RAC1: variants seen among roughly 807,000 people sequenced by gnomAD.
RAC1 encodes the protein Rac family small GTPase 1, also known as ras-related C3 botulinum toxin substrate 1.
In RAC1, 2 loss-of-function variants were observed where a neutral mutation model predicts 25.2. The observed-to-expected ratio is 0.08, with a 90% confidence interval of 0.03 to 0.25. The LOEUF (loss-of-function observed/expected upper bound fraction) is 0.25. Among genes scored for constraint, RAC1 ranks in the 10% least tolerant of loss-of-function variants. RAC1 has a pLI of 1.00. For missense variants in RAC1, 50 were observed against 235.7 expected (o/e 0.21, Z 5.16); for synonymous variants, 88 against 94.0 (o/e 0.94, Z 0.37).
intron 1 of RAC1, among the ~76,000 whole-genome samples, chr7:6,381,901 G>C (rs111870047): frequency 6.6e-6 from 1 of 152,250 alleles, no homozygotes; most frequent in African/African-American, 2.4e-5. Context: ...GTAAATCGAG[G>C]ACCTTCATGC....
intron 1 of RAC1, among the ~76,000 whole-genome samples, chr7:6,378,518 C>A (rs866276517): frequency 6.6e-6 from 1 of 151,866 alleles, no homozygotes; most frequent in Non-Finnish European, 1.5e-5. Flanking sequence ...TGCACTCCAG[C>A]CTGGGCGACA....
intron 1 of RAC1, among the ~76,000 whole-genome samples, chr7:6,380,369 T>G (rs986883958): frequency 8.3e-6 from 1 of 120,456 alleles, no homozygotes; most frequent in African/African-American, 4.3e-5. Context: ...GCCAAAAAAA[T>G]TATACATAAT....
intron 1 of RAC1, among the ~76,000 whole-genome samples, chr7:6,385,207 G>T (rs1457779020): frequency 6.6e-6 from 1 of 152,170 alleles, no homozygotes. Context: ...TTCATGTGAT[G>T]ATTGCATTCT....
At chr7:6,396,612 A>T (rs1181546104) in intron 3 of RAC1, among the ~76,000 whole-genome samples, 3 of 152,196 alleles carry the variant, frequency 2.0e-5, no homozygotes, top group African/African-American at 7.2e-5. Context: ...GTTCTCGATG[A>T]TCCTCTCCCA....
At chr7:6,385,581 G>A (rs550064662) in intron 1 of RAC1, among the ~76,000 whole-genome samples, 1 of 152,288 alleles carries the variant, frequency 6.6e-6, no homozygotes, top group African/African-American at 2.4e-5. Context: ...AAGCCTTTAG[G>A]AGTTGGAAGC....
intron 1 of RAC1, among the ~76,000 whole-genome samples, chr7:6,378,926 A>G (rs900950356): frequency 6.6e-5 from 10 of 152,084 alleles, no homozygotes; most frequent in African/African-American, 1.9e-4. Context: ...TGTCTCTACT[A>G]AAAATACAAA....
rs375135106 is a variant in RAC1, at chr7:6,388,297, C to T, written c.107+1014C>T. On this transcript the variant is annotated intron_variant, in intron 2 of 5. Transcript: ENST00000348035. ...CTCAGGCACAACACACACCCAGGTGCTCTCTGAAGTGTCGTACCCATGTTT... is the reference window on the plus strand; with the variant it reads ...CTCAGGCACAACACACACCCAGGTGTTCTCTGAAGTGTCGTACCCATGTTT... Among the ~76,000 whole-genome samples the T allele has an allele frequency of 2.0e-5, 3 of 151,246 alleles. No individual in the cohort carries two copies. The East Asian group carries it at 5.8e-4, about 29-fold the overall frequency.
chr7:6,389,248 C>T (rs1348295005), intron 2 of RAC1, among the ~76,000 whole-genome samples: 1 of 151,720 alleles, frequency 6.6e-6, no homozygotes, highest in African/African-American at 2.4e-5. Context: ...TAGATAACTA[C>T]CAAATTGCTG....
chr7:6,376,659 G>A (rs181500312), intron 1 of RAC1, among the ~76,000 whole-genome samples: 2,060 of 140,736 alleles, frequency 0.015, 26 homozygotes, highest in South Asian at 0.029. Flanking sequence ...AAGCCACCAT[G>A]CCCAGCTAAT....
chr7:6,392,065 ATG>A, intron 3 of RAC1, 24 bp downstream of exon 3: 1 of 1,614,024 alleles, frequency 6.2e-7, no homozygotes, highest in South Asian at 1.1e-5. Flanking sequence ...CTGACTTTTA[ATG>A]TGTCTTTTAG....
chr7:6,374,957 C>G (rs1351785904), intron 1 of RAC1, among the ~76,000 whole-genome samples, 187 bp downstream of exon 1: 1 of 151,640 alleles, frequency 6.6e-6, no homozygotes, highest in Non-Finnish European at 1.5e-5. Flanking sequence ...CCGGGCGGCG[C>G]GTGCCTGGTT....
intron 1 of RAC1, chr7:6,375,946 A>G (rs572724544): frequency 6.6e-6 from 1 of 152,088 alleles, no homozygotes; most frequent in African/African-American, 2.4e-5. Context: ...AATTACTACC[A>G]GTTTAATCAA....
intron 3 of RAC1, among the ~76,000 whole-genome samples, chr7:6,393,428 C>T (rs907528528): frequency 1.3e-5 from 2 of 152,128 alleles, no homozygotes; most frequent in African/African-American, 4.8e-5. Context: ...AAACAAGAGC[C>T]ACCCTGCTGT....
chr7:6,388,829 C>T (rs1318285366), intron 2 of RAC1, among the ~76,000 whole-genome samples: 1 of 152,042 alleles, frequency 6.6e-6, no homozygotes, highest in East Asian at 1.9e-4. Flanking sequence ...CAGTGTTGTC[C>T]CTTATGTCTT....
intron 2 of RAC1, among the ~76,000 whole-genome samples, chr7:6,387,731 A>G (rs1231100480): frequency 1.6e-5 from 2 of 122,430 alleles, no homozygotes; most frequent in East Asian, 4.9e-4. Flanking sequence ...ATCTCAAAAG[A>G]AAAAAAAAAA....
intron 3 of RAC1, among the ~76,000 whole-genome samples, chr7:6,395,733 G>C (rs1363606486): frequency 6.6e-6 from 1 of 151,922 alleles, no homozygotes; most frequent in African/African-American, 2.4e-5. Flanking sequence ...TGCCAGGCTG[G>C]TTCTCATACG....
intron 1 of RAC1, among the ~76,000 whole-genome samples, chr7:6,380,372 T>C (rs912287658): frequency 1.7e-5 from 2 of 114,812 alleles, no homozygotes; most frequent in Non-Finnish European, 3.4e-5. Context: ...AAAAAAATTA[T>C]ACATAATGTG....
At position 6,402,303 on chromosome 7, in the gene RAC1, G is replaced by T. The variant is rs530476225; in HGVS notation, c.449-13G>T. On this transcript the variant is annotated splice_polypyrimidine_tract_variant and intron_variant, in intron 5 of 5. Coordinates refer to ENST00000348035, the MANE Select transcript of RAC1 (RefSeq NM_006908.5). ...GTCGAGTGTACATTGCCGTGTGGTC[G>T]TGTTTCCTGTAGGTGCTGTAAAATA... The T allele has an allele frequency of 2.0e-4, 325 of 1,598,362 alleles. 4 individuals carry two copies. The South Asian group carries it at 3.4e-3, about 17-fold the overall frequency.
At chr7:6,394,871 T>C (rs1197073450) in intron 3 of RAC1, among the ~76,000 whole-genome samples, 8 of 152,002 alleles carry the variant, frequency 5.3e-5, no homozygotes, top group Non-Finnish European at 1.2e-4. Flanking sequence ...TTTATTTTTT[T>C]TGAGACGGAG....
Sources: allele counts gnomAD v4.1 joint callset (sites outside exome capture counted in the v4.1 genomes callset), GRCh38; gene constraint gnomAD v4.1.1; transcripts MANE v1.5; gene names NCBI Gene and HGNC (gene_info 2026-07-23, HGNC 2026-07-21).